The following WWOX variants were observed in gnomAD, a reference collection of about 807,000 sequenced individuals.
WWOX encodes the protein WW domain-containing oxidoreductase.
A neutral mutation model predicts 46.2 loss-of-function variants in WWOX; 69 were observed. The observed-to-expected ratio is 1.49, with a 90% CI of 1.23 to 1.82. WWOX has a LOEUF of 1.82. Among genes scored for constraint, WWOX ranks in the 40% most tolerant of loss-of-function variants. WWOX has a pLI of 0.00. For synonymous variants in WWOX, 359 were observed against 202.6 expected (o/e 1.77, Z -6.56); for missense variants, 919 against 542.6 (o/e 1.69, Z -6.89).
chr16:79,149,321 A>G (rs7184152), intron 8 of WWOX, among the ~76,000 whole-genome samples: 44,621 of 152,018 alleles, frequency 0.29, 6,759 homozygotes, highest in East Asian at 0.45. Context: ...TAGCTTTTTG[A>G]TATGGTGGAC....
chr16:78,830,798 C>G (rs1273329396), intron 8 of WWOX, among the ~76,000 whole-genome samples: 2 of 151,792 alleles, frequency 1.3e-5, no homozygotes, highest in East Asian at 2.0e-4. Flanking sequence ...TCAGAGCGTT[C>G]CCTCCCTCCT....
intron 8 of WWOX, among the ~76,000 whole-genome samples, chr16:78,794,528 C>CA (rs1489091750): frequency 1.3e-5 from 2 of 151,974 alleles, no homozygotes; most frequent in East Asian, 1.9e-4. Flanking sequence ...TTTTCTCATC[C>CA]AAAAAAATGG....
At chr16:78,475,767 T>C (rs1204415850) in intron 8 of WWOX, among the ~76,000 whole-genome samples, 2 of 152,170 alleles carry the variant, frequency 1.3e-5, no homozygotes, top group Admixed American at 6.5e-5. Flanking sequence ...GCTAATTTTA[T>C]GCATTTTTAG....
intron 6 of WWOX, among the ~76,000 whole-genome samples, chr16:78,400,551 T>A (rs1430559365): frequency 6.6e-6 from 1 of 152,174 alleles, no homozygotes; most frequent in Non-Finnish European, 1.5e-5. Flanking sequence ...TTTGAGTTTC[T>A]GTGGTTTACA....
At chr16:78,327,262 C>T (rs1383065919) in intron 5 of WWOX, among the ~76,000 whole-genome samples, 1 of 152,294 alleles carries the variant, frequency 6.6e-6, no homozygotes, top group African/African-American at 2.4e-5. Flanking sequence ...ATCACTCTGT[C>T]ATCATATGAC....
chr16:78,278,032 T>A (rs1455801993), intron 5 of WWOX, among the ~76,000 whole-genome samples: 2 of 151,988 alleles, frequency 1.3e-5, no homozygotes, highest in Non-Finnish European at 2.9e-5. Flanking sequence ...ACGGTGTGAG[T>A]GGGGGACAAA....
chr16:78,686,399 T>G (rs1314678502), intron 8 of WWOX, among the ~76,000 whole-genome samples: 5 of 151,662 alleles, frequency 3.3e-5, no homozygotes, highest in Non-Finnish European at 7.4e-5. Flanking sequence ...TAGTCCCAGC[T>G]AGTCGGGAGG....
At chr16:78,499,179 A>G (rs2084992787) in intron 8 of WWOX, among the ~76,000 whole-genome samples, 1 of 151,164 alleles carries the variant, frequency 6.6e-6, no homozygotes, top group South Asian at 2.1e-4. Context: ...CGTATCTAAC[A>G]CTTGAAGGTG....
intron 8 of WWOX, among the ~76,000 whole-genome samples, chr16:78,921,598 A>T (rs2045381000): frequency 6.6e-6 from 1 of 152,194 alleles, no homozygotes; most frequent in Admixed American, 6.5e-5. Flanking sequence ...CTGATGAGGA[A>T]ACTGGAGCTC....
At chr16:78,872,349 C>A (rs891614031) in intron 8 of WWOX, among the ~76,000 whole-genome samples, 4 of 152,012 alleles carry the variant, frequency 2.6e-5, no homozygotes, top group African/African-American at 9.7e-5. Context: ...AGACTGAGGA[C>A]TCAACAAAGT....
At chr16:79,157,746 A>G (rs557400185) in intron 8 of WWOX, among the ~76,000 whole-genome samples, 33 of 152,334 alleles carry the variant, frequency 2.2e-4, no homozygotes, top group Non-Finnish European at 3.8e-4. Context: ...GGGACATGCT[A>G]TGTCAGAGTG....
chr16:78,545,006 G>C (rs1173775785), intron 8 of WWOX, among the ~76,000 whole-genome samples: 4 of 152,132 alleles, frequency 2.6e-5, no homozygotes, highest in Non-Finnish European at 1.5e-5. Flanking sequence ...TGAGACACCA[G>C]CTTTACAAAA....
intron 8 of WWOX, among the ~76,000 whole-genome samples, chr16:78,455,595 A>G (rs1217688863): frequency 1.4e-5 from 2 of 141,456 alleles, no homozygotes; most frequent in African/African-American, 5.4e-5. Context: ...GTAAGCTGAG[A>G]TCATGCCACT....
intron 8 of WWOX, among the ~76,000 whole-genome samples, chr16:78,479,606 T>C (rs778359370): frequency 1.3e-5 from 2 of 152,194 alleles, no homozygotes; most frequent in African/African-American, 4.8e-5. Flanking sequence ...TAGAATAGAC[T>C]GTCACTGCTC....
At chr16:78,865,506 C>G (rs1194579783) in intron 8 of WWOX, among the ~76,000 whole-genome samples, 4 of 152,116 alleles carry the variant, frequency 2.6e-5, no homozygotes, top group African/African-American at 4.8e-5. Context: ...TCCTTTGCCA[C>G]AAAATAGCAA....
Position 78,503,081 on chromosome 16 carries a change from T to C in WWOX, c.1056+70329T>C, listed in dbSNP as rs74579535. ...CCTTCTAACAACATTGCCTTTCATA[T>C]GTTGCTGACTGTTTTTGAGATTTAT... On this transcript the variant is annotated intron_variant, in intron 8 of 8. Transcript: ENST00000566780. Among the ~76,000 whole-genome samples, 881 of 152,330 alleles carry C rather than the reference T, an allele frequency of 5.8e-3. 12 individuals carry two copies. The highest frequency in any genetic ancestry group is 0.02 in the African/African-American group (846 of 41,566).
chr16:78,711,360 G>C (rs919626319), intron 8 of WWOX, among the ~76,000 whole-genome samples: 4 of 152,186 alleles, frequency 2.6e-5, no homozygotes, highest in African/African-American at 7.2e-5. Context: ...TCAAAAAATA[G>C]GAACATGATG....
At chr16:78,932,191 G>A (rs927084800) in intron 8 of WWOX, among the ~76,000 whole-genome samples, 3 of 152,236 alleles carry the variant, frequency 2.0e-5, no homozygotes, top group Admixed American at 2.0e-4. Context: ...CCAGTCCTTC[G>A]AACATGGAGG....
At chr16:78,580,226 A>G (rs1340256207) in intron 8 of WWOX, among the ~76,000 whole-genome samples, 2 of 152,078 alleles carry the variant, frequency 1.3e-5, no homozygotes, top group Admixed American at 6.5e-5. Context: ...GGTGTGTGCC[A>G]GCATGCCCGG....
Sources: allele counts gnomAD v4.1 joint callset (sites outside exome capture counted in the v4.1 genomes callset), GRCh38; gene constraint gnomAD v4.1.1; transcripts MANE v1.5; gene names NCBI Gene and HGNC (gene_info 2026-07-23, HGNC 2026-07-21).